Variants in ZNF175 observed in about 807,000 individuals in gnomAD.
ZNF175 encodes the protein zinc finger protein OTK18.
A neutral mutation model predicts 14.0 loss-of-function variants in ZNF175; 8 were observed. The ratio of observed to expected loss-of-function variants is 0.57; its 90% CI spans 0.34 to 1.03. The LOEUF is 1.03. Ranked by LOEUF, ZNF175 falls within the 50% of genes least tolerant of loss-of-function variation. ZNF175 has a pLI of 0.03. For synonymous variants in ZNF175, 255 were observed against 296.8 expected, an observed-to-expected ratio of 0.86 and a Z score of 1.45; for missense variants, 764 against 849.5, an observed-to-expected ratio of 0.90 and a Z score of 1.25.
intron 2 of ZNF175, among the ~76,000 whole-genome samples, chr19:51,579,416 A>G (rs528575008): frequency 1.3e-5 from 2 of 152,214 alleles, no homozygotes; most frequent in African/African-American, 2.4e-5. Context: ...GTGAGATTCT[A>G]TCTCCCAAAA....
rs767904954 is a variant in ZNF175 at position 51,588,161 on chromosome 19, T to C, written c.1830T>C (p.Thr610=). 6.2e-7 allele frequency: 1 copy of C among 1,613,514 alleles called. No homozygotes were observed. The highest frequency in any genetic ancestry group is 1.1e-5 in the South Asian group (1 of 91,042). ...TCCATAAACATCAAATAACTCACACTAGAGAGAGGCCTTTTGTCTGTTACA... is the reference window on the plus strand; with the variant it reads ...TCCATAAACATCAAATAACTCACACCAGAGAGAGGCCTTTTGTCTGTTACA... ...SNFHKHQITH[T]RERPFVCYKC... The change falls in exon 5 of 5, where the codon ACT becomes ACC. Residue 610 remains threonine, a synonymous_variant. Transcript: ENST00000262259.
intron 2 of ZNF175, among the ~76,000 whole-genome samples, chr19:51,575,303 A>G (rs1163694114): frequency 7.2e-6 from 1 of 139,536 alleles, no homozygotes; most frequent in Non-Finnish European, 1.5e-5. Context: ...TGCAAGCTGC[A>G]CCTCCCGGGT....
chr19:51,588,049 A>C lies in ZNF175; in HGVS notation c.1718A>C (p.Gln573Pro). 6.2e-7 allele frequency: 1 copy of C among 1,614,178 alleles called. No homozygotes were observed. Among genetic ancestry groups the C allele is most frequent in the Non-Finnish European group, 8.5e-7 (1 of 1,179,988 alleles). Residue 573 changes from glutamine (Q) to proline (P), a missense_variant, in exon 5 of 5, where the codon CAA becomes CCA. By Grantham distance (76) the Gln-to-Pro change is moderately conservative. Coordinates refer to ENST00000262259, the MANE Select transcript of ZNF175 (RefSeq NM_007147.4). ...ECGKAFTSKS[Q>P]FKEHQRIHTG... ...GGGAAAGCCTTCACTTCTAAGTCTC[A>C]ATTCAAAGAGCATCAGCGAATTCAC...
At position 51,587,191 on chromosome 19, in the gene ZNF175, G is replaced by C; in HGVS notation, c.860G>C (p.Ser287Thr). 6.2e-7 allele frequency: 1 copy of C among 1,614,170 alleles called. No individual in the cohort carries two copies. Among genetic ancestry groups the C allele is most frequent in the Non-Finnish European group, 8.5e-7 (1 of 1,180,020 alleles). ...KPDGCSECGG[S>T]FTQKSHLFAQ... Reference sequence around the variant, plus strand: ...GATGGATGTTCTGAATGTGGGGGGAGCTTCACCCAGAAGTCACACCTCTTT... The same window carrying C: ...GATGGATGTTCTGAATGTGGGGGGACCTTCACCCAGAAGTCACACCTCTTT... Residue 287 changes from serine to threonine, a missense_variant, in exon 5 of 5, where the codon AGC becomes ACC. Transcript: ENST00000262259.
At chr19:51,577,139 C>T (rs902973055) in intron 2 of ZNF175, among the ~76,000 whole-genome samples, 7 of 152,016 alleles carry the variant, frequency 4.6e-5, no homozygotes, top group Admixed American at 1.3e-4. Flanking sequence ...GAAAATGTCA[C>T]GCCAAAAAGC....
At chr19:51,571,774 G>A (rs2122554177) in intron 1 of ZNF175, among the ~76,000 whole-genome samples, 1 of 152,300 alleles carries the variant, frequency 6.6e-6, no homozygotes, top group Admixed American at 6.5e-5. Context: ...CTGTCCGTGG[G>A]ACTAGGGGAG....
chr19:51,587,969 C>G lies in ZNF175; in HGVS notation c.1638C>G (p.Leu546=). ...AAGCCTTCAACCAGAAGTCAATACT[C>G]AGCATGCATCAGAGAATTCACACCG... The part of the protein sequence containing the change: ...CGKAFNQKSI[L]SMHQRIHTGE... The change falls in exon 5 of 5, where the codon CTC becomes CTG. Residue 546 remains leucine (L), a synonymous_variant. Coordinates refer to ENST00000262259, the MANE Select transcript of ZNF175 (RefSeq NM_007147.4). 2.5e-6 allele frequency: 4 copies of G among 1,614,174 alleles called. No individual in the cohort carries two copies. The highest frequency in any genetic ancestry group is 3.4e-6 in the Non-Finnish European group (4 of 1,180,026).
chr19:51,589,538 CTT>C lies in ZNF175; in HGVS notation c.*1072_*1073del. The C allele has an allele frequency of 1.4e-6, 1 of 701,646 alleles. No homozygotes were observed. Among genetic ancestry groups the C allele is most frequent in the Non-Finnish European group, 2.6e-6 (1 of 384,652 alleles). The allele number at this position is 701,646 out of a possible 1,614,324, so 43.5% of individuals were successfully genotyped here. A position where few individuals can be genotyped will look rare whatever the true frequency, so the allele number is the denominator to read the frequency against. Reference sequence around the variant, plus strand: ...CTGATCTTTATATTACAGATTTTCTCTTCTTTTAGGATTAGCTCAGCTTGCCC... The same window carrying C: ...CTGATCTTTATATTACAGATTTTCTCCTTTTAGGATTAGCTCAGCTTGCCC... On this transcript the variant is annotated 3_prime_UTR_variant, in exon 5 of 5. Coordinates refer to ENST00000262259, the MANE Select transcript of ZNF175 (RefSeq NM_007147.4).
At position 51,573,407 on chromosome 19, in the gene ZNF175, C is replaced by A; in HGVS notation, c.72+6C>A. 1 of 1,612,782 alleles carries A rather than the reference C, an allele frequency of 6.2e-7. No individual in the cohort carries two copies. On this transcript the variant is annotated splice_donor_region_variant and intron_variant, in intron 2 of 4. Transcript: ENST00000262259. ...AGCAGGATGGATCTTGCGAGGTAAA[C>A]AGGGGCAGCCCTGGGGATAGTTCTC...
chr19:51,578,417 GC>G (rs1281480993), intron 2 of ZNF175, among the ~76,000 whole-genome samples: 1 of 151,202 alleles, frequency 6.6e-6, no homozygotes, highest in Non-Finnish European at 1.5e-5. Flanking sequence ...AAAGAAGCAA[GC>G]CCCAGAATGG....
chr19:51,573,096 A>G (rs1981647124), intron 1 of ZNF175, 54 bp from the exon 2 acceptor site: 1 of 505,928 alleles, frequency 2.0e-6, no homozygotes, highest in East Asian at 3.7e-5. Flanking sequence ...CCCTCAGGAA[A>G]TATTTGTGGA....
Position 51,588,117 on chromosome 19 carries a change from TTCAACGGCAGG to T in ZNF175, c.1791_1801del (p.Asn597LysfsTer4). 1 of 1,614,218 alleles carries T rather than the reference TTCAACGGCAGG, an allele frequency of 6.2e-7. No individual in the cohort carries two copies. Among genetic ancestry groups the T allele is most frequent in the Non-Finnish European group, 8.5e-7 (1 of 1,180,036 alleles). ...TGTGTGCACTGAATGTGGGAAGGCC[TTCAACGGCAGG>T]TCAAATTTCCATAAACATCAAATAA... is the stretch of plus-strand genomic sequence containing the variant. On this transcript the variant is annotated frameshift_variant, in exon 5 of 5. Coordinates refer to ENST00000262259, the MANE Select transcript of ZNF175 (RefSeq NM_007147.4). LOFTEE classifies it low-confidence loss of function (END_TRUNC).
chr19:51,592,506 T>C lies in ZNF175; in HGVS notation c.*4039T>C, dbSNP rs1340912511. 24 of 557,530 alleles carry C rather than the reference T, an allele frequency of 4.3e-5. No individual in the cohort carries two copies. Among genetic ancestry groups the C allele is most frequent in the Non-Finnish European group, 1.6e-5 (5 of 317,554 alleles). The allele number at this position is 557,530 out of a possible 1,614,324, so 34.5% of individuals were successfully genotyped here. On this transcript the variant is annotated 3_prime_UTR_variant, in exon 5 of 5. Coordinates refer to ENST00000262259, the MANE Select transcript of ZNF175 (RefSeq NM_007147.4). ...TCTGAAATAAAGGTATTTTGAGAAA[T>C]TGAATTCCGTTATCAAGTGTGAAGT...
At position 51,591,695 on chromosome 19, in the gene ZNF175, G is replaced by A. The variant is rs1982347274; in HGVS notation, c.*3228G>A. Reference sequence around the variant, plus strand: ...AAAATCTAGGAACAAGAAAAGCCTGGATTTGAACCAAGCTATCTGATGCCA... The same window carrying A: ...AAAATCTAGGAACAAGAAAAGCCTGAATTTGAACCAAGCTATCTGATGCCA... On this transcript the variant is annotated 3_prime_UTR_variant, in exon 5 of 5. Transcript: ENST00000262259. 1 of 151,944 alleles carries A rather than the reference G, an allele frequency of 6.6e-6. No individual in the cohort carries two copies. Among genetic ancestry groups the A allele is most frequent in the South Asian group, 2.1e-4 (1 of 4,818 alleles). The allele number at this position is 151,944 out of a possible 1,614,324, so 9.4% of individuals were successfully genotyped here.
rs758949198 is a variant in ZNF175 at position 51,587,964 on chromosome 19, A to G, written c.1633A>G (p.Ile545Val). Residue 545 changes from isoleucine to valine, a missense_variant, in exon 5 of 5, where the codon ATA becomes GTA. By Grantham distance (29) the Ile-to-Val change is conservative. Coordinates refer to ENST00000262259, the MANE Select transcript of ZNF175 (RefSeq NM_007147.4). ...ECGKAFNQKS[I>V]LSMHQRIHTG... ...CGGGAAAGCCTTCAACCAGAAGTCA[A>G]TACTCAGCATGCATCAGAGAATTCA... is the stretch of plus-strand genomic sequence containing the variant. The G allele has an allele frequency of 1.1e-5, 18 of 1,614,140 alleles. 1 individual carries two copies. In the Admixed American group the frequency reaches 2.3e-4, roughly 21 times the overall value.
chr19:51,581,429 C>T lies in ZNF175; in HGVS notation c.111C>T (p.Ser37=). The T allele has an allele frequency of 6.2e-7, 1 of 1,614,092 alleles. No individual in the cohort carries two copies. The highest frequency in any genetic ancestry group is 8.5e-7 in the Non-Finnish European group (1 of 1,180,038). Residue 37 remains serine (S), a synonymous_variant, in exon 3 of 5, where the codon AGC becomes AGT. Coordinates refer to ENST00000262259, the MANE Select transcript of ZNF175 (RefSeq NM_007147.4). The part of the protein sequence containing the change: ...VSFEDVTVDF[S]REEWQQLDPA... ...TTGAGGACGTGACCGTGGACTTCAG[C>T]AGGGAGGAGTGGCAGCAACTGGACC...
chr19:51,574,770 G>A (rs763344576), intron 2 of ZNF175, among the ~76,000 whole-genome samples: 2 of 152,204 alleles, frequency 1.3e-5, no homozygotes, highest in African/African-American at 2.4e-5. Context: ...GTCAACTTGC[G>A]TGTTCAGAAC....
intron 2 of ZNF175, among the ~76,000 whole-genome samples, chr19:51,575,161 C>T (rs1345415555): frequency 7.3e-6 from 1 of 136,330 alleles, no homozygotes. Flanking sequence ...TTTTTCTTAC[C>T]TTTTGATTTA....
At position 51,587,686 on chromosome 19, in the gene ZNF175, G is replaced by A. The variant is rs1278534545; in HGVS notation, c.1355G>A (p.Cys452Tyr). ...CAGAAGTCCTATGTGTGTATCGAAT[G>A]CGGGCAGGCCTTCATCCAGAAGGCA... ...SGQKSYVCIECGQAFIQKAHL... is the reference protein window; with the variant it reads ...SGQKSYVCIEYGQAFIQKAHL... Residue 452 changes from cysteine (C) to tyrosine (Y), a missense_variant, in exon 5 of 5, where the codon TGC becomes TAC. Physicochemically the swap from Cys to Tyr is radical, Grantham distance 194. Transcript: ENST00000262259. 1.9e-6 allele frequency: 3 copies of A among 1,614,000 alleles called. No homozygotes were observed. The African/African-American group carries it at 4.0e-5, about 22-fold the overall frequency.
Sources: gnomAD v4.1 joint callset for allele counts (sites outside exome capture counted in the v4.1 genomes callset) on GRCh38, gnomAD v4.1.1 for gene constraint, MANE v1.5 for transcripts, NCBI Gene and HGNC (gene_info 2026-07-23, HGNC 2026-07-21) for gene names.